MAML3: variants seen among roughly 807,000 people sequenced by gnomAD.
MAML3 encodes mastermind like transcriptional coactivator 3.
MAML3 carries 27 observed loss-of-function variants against 101.9 expected under a neutral mutation model. The ratio of observed to expected loss-of-function variants is 0.27; its 90% CI spans 0.20 to 0.37. The LOEUF is 0.37. MAML3 is among the 10% of genes least tolerant of loss of function. MAML3 has a pLI of 1.00. For synonymous variants in MAML3, 501 were observed against 555.9 expected (o/e 0.90, Z 1.39); for missense variants, 1,316 against 1,444.9 (o/e 0.91, Z 1.45).
intron 1 of MAML3, among the ~76,000 whole-genome samples, chr4:140,026,340 C>T (rs1726823460): frequency 1.3e-5 from 2 of 152,244 alleles, no homozygotes; most frequent in South Asian, 2.1e-4. Context: ...CTGCAACCTC[C>T]ACCTCCCAGG....
chr4:140,025,177 T>C (rs1726800117), intron 1 of MAML3, among the ~76,000 whole-genome samples: 3 of 152,176 alleles, frequency 2.0e-5, no homozygotes, highest in South Asian at 2.1e-4. Flanking sequence ...TTTGGGACAA[T>C]TGAGTTAATT....
intron 2 of MAML3, among the ~76,000 whole-genome samples, chr4:139,845,913 G>T (rs976642500): frequency 1.3e-5 from 2 of 152,180 alleles, no homozygotes; most frequent in Non-Finnish European, 2.9e-5. Flanking sequence ...TCAGAGTAAG[G>T]TTTAGCAGGG....
intron 1 of MAML3, among the ~76,000 whole-genome samples, chr4:140,068,144 G>T (rs944165242): frequency 2.6e-5 from 4 of 152,084 alleles, no homozygotes; most frequent in African/African-American, 9.7e-5. Flanking sequence ...GGTCCAAGTG[G>T]TCACGAGCCC....
intron 1 of MAML3, among the ~76,000 whole-genome samples, chr4:140,040,305 G>T (rs1012426232): frequency 6.6e-6 from 1 of 152,186 alleles, no homozygotes; most frequent in Non-Finnish European, 1.5e-5. Flanking sequence ...GGGAAACAAA[G>T]AAATATACCG....
intron 1 of MAML3, among the ~76,000 whole-genome samples, chr4:139,905,376 C>T (rs1732802665): frequency 6.6e-6 from 1 of 151,160 alleles, no homozygotes; most frequent in Non-Finnish European, 1.5e-5. Context: ...TCTGTAGTCC[C>T]AGCTACTCAG....
intron 1 of MAML3, among the ~76,000 whole-genome samples, chr4:139,937,177 A>G (rs928098580): frequency 2.0e-5 from 3 of 152,216 alleles, no homozygotes; most frequent in African/African-American, 7.2e-5. Flanking sequence ...TCTTTCAGTA[A>G]TGAATTAAAT....
In MAML3 at chr4:139,732,758, T is replaced by A. The variant is rs1210789581; in HGVS notation, c.2080-2091A>T. On this transcript the variant is annotated intron_variant, in intron 2 of 4. Coordinates refer to ENST00000509479, the MANE Select transcript of MAML3 (RefSeq NM_018717.5). ...ACTAGCTCAGGCCTCTCCCAGGCAG[T>A]GTCTTCATGGTGTTAAGTGTGCACC... Among the ~76,000 whole-genome samples, 4 of 152,222 alleles carry A rather than the reference T, an allele frequency of 2.6e-5. No homozygotes were observed. The East Asian group carries it at 7.7e-4, about 29-fold the overall frequency.
At chr4:139,773,165 T>G (rs7690044) in intron 2 of MAML3, among the ~76,000 whole-genome samples, 59,542 of 151,918 alleles carry the variant, frequency 0.39, 12,565 homozygotes, top group Non-Finnish European at 0.47. Context: ...GGCTTCAGGA[T>G]TCTTAGCCTT....
chr4:140,072,275 T>G (rs1727672407), intron 1 of MAML3, among the ~76,000 whole-genome samples: 1 of 152,236 alleles, frequency 6.6e-6, no homozygotes, highest in Non-Finnish European at 1.5e-5. Flanking sequence ...ACTGAACATG[T>G]ACAGACTTTT....
At chr4:139,941,454 T>A (rs1733594215) in intron 1 of MAML3, among the ~76,000 whole-genome samples, 1 of 152,322 alleles carries the variant, frequency 6.6e-6, no homozygotes, top group Non-Finnish European at 1.5e-5. Flanking sequence ...TAAGAAGTTG[T>A]CTTCCTAAGG....
Position 139,719,272 on chromosome 4 carries a change from C to CAA in MAML3, c.*50_*51insTT, listed in dbSNP as rs1728122605. 6.6e-7 allele frequency: 1 copy of CAA among 1,512,920 alleles called. No individual in the cohort carries two copies. Among genetic ancestry groups the CAA allele is most frequent in the Non-Finnish European group, 8.8e-7 (1 of 1,130,396 alleles). The allele number at this position is 1,512,920 out of a possible 1,614,324, so 93.7% of individuals were successfully genotyped here. The stretch of plus-strand genomic sequence containing the variant: ...ATGGGTCAACATCCTGTTTCTTTTT[C>CAA]ACTTTTTAAGCTTTAACCACTCGAG... On this transcript the variant is annotated 3_prime_UTR_variant, in exon 5 of 5. Transcript: ENST00000509479.
intron 2 of MAML3, among the ~76,000 whole-genome samples, chr4:139,814,009 A>G (rs1454023554): frequency 1.7e-5 from 2 of 116,262 alleles, no homozygotes; most frequent in East Asian, 4.7e-4. Context: ...GCAGCTAGCT[A>G]CAGTACACAA....
At chr4:139,721,900 T>C (rs902110270) in intron 4 of MAML3, among the ~76,000 whole-genome samples, 2 of 152,220 alleles carry the variant, frequency 1.3e-5, no homozygotes, top group African/African-American at 4.8e-5. Flanking sequence ...ACTAAATTTT[T>C]ATCGGCTGCA....
chr4:139,885,649 C>A (rs567627179), intron 2 of MAML3, among the ~76,000 whole-genome samples: 1 of 150,864 alleles, frequency 6.6e-6, no homozygotes, highest in Non-Finnish European at 1.5e-5. Context: ...GTAGGCCGGG[C>A]GCCGTGGCTC....
intron 1 of MAML3, among the ~76,000 whole-genome samples, chr4:140,064,233 T>C (rs999533763): frequency 2.6e-5 from 4 of 152,192 alleles, no homozygotes; most frequent in African/African-American, 9.7e-5. Context: ...TCTATGGTCA[T>C]TGTGGAGGTA....
At chr4:139,819,633 C>T (rs1021165882) in intron 2 of MAML3, among the ~76,000 whole-genome samples, 3 of 152,136 alleles carry the variant, frequency 2.0e-5, no homozygotes, top group African/African-American at 7.2e-5. Context: ...AGTGGTCACA[C>T]GTAGTTATCA....
chr4:139,822,695 C>A (rs1011452549), intron 2 of MAML3, among the ~76,000 whole-genome samples: 7 of 152,200 alleles, frequency 4.6e-5, no homozygotes, highest in African/African-American at 1.7e-4. Flanking sequence ...TGGCTGCCTG[C>A]ACTGGGCAGA....
At chr4:139,833,473 G>A (rs1362477827) in intron 2 of MAML3, among the ~76,000 whole-genome samples, 1 of 152,172 alleles carries the variant, frequency 6.6e-6, no homozygotes, top group East Asian at 1.9e-4. Context: ...TGGGAGAGCA[G>A]AGGCGTGGAG....
chr4:139,830,128 G>C (rs112840910), intron 2 of MAML3, among the ~76,000 whole-genome samples: 14 of 152,236 alleles, frequency 9.2e-5, no homozygotes, highest in African/African-American at 3.1e-4. Flanking sequence ...TGCAAGGAAG[G>C]ACTTTCAAAT....
Sources: gnomAD v4.1 joint callset for allele counts (sites outside exome capture counted in the v4.1 genomes callset) on GRCh38, gnomAD v4.1.1 for gene constraint, MANE v1.5 for transcripts, NCBI Gene and HGNC (gene_info 2026-07-23, HGNC 2026-07-21) for gene names.